The following FAM83H variants were observed in gnomAD, a reference collection of about 807,000 sequenced individuals.
FAM83H encodes protein FAM83H.
Under a neutral mutation model 30.2 loss-of-function variants are expected in FAM83H, and 24 were observed. That is an observed-to-expected ratio of 0.79 (90% confidence interval 0.57 to 1.12). The LOEUF (loss-of-function observed/expected upper bound fraction) is 1.12, where lower values mean the gene tolerates loss of function less well. Ranked by LOEUF, FAM83H falls within the 50% of genes most tolerant of loss-of-function variation. The probability of loss-of-function intolerance (pLI) is 0.00; values close to 1 mark genes in which losing one functional copy is unlikely to be tolerated. For missense variants in FAM83H, 2,038 were observed against 1,773.9 expected (o/e 1.15, Z -2.67); for synonymous variants, 1,013 against 821.7 (o/e 1.23, Z -3.98).
chr8:143,728,136 C>T lies in FAM83H; in HGVS notation c.1325G>A (p.Arg442His), dbSNP rs200076617. 9.8e-5 allele frequency: 158 copies of T among 1,609,708 alleles called. No individual in the cohort carries two copies. The highest frequency in any genetic ancestry group is 1.3e-4 in the Non-Finnish European group (152 of 1,179,236). The change falls in exon 5 of 5, where the codon CGC (arginine) becomes CAC (histidine). Residue 442 changes from arginine (R) to histidine (H), a missense_variant. Physicochemically the swap from Arg to His is conservative, Grantham distance 29. Transcript: ENST00000388913. ...QTFLSHGDDF[R>H]FQTSHFHRDQ... ...ACGGTGGAAGTGGCTGGTCTGGAAG[C>T]GGAAGTCGTCGCCGTGGCTGAGGAA... is the stretch of plus-strand genomic sequence containing the variant.
At position 143,728,509 on chromosome 8, in the gene FAM83H, TTGGC is replaced by T; in HGVS notation, c.948_951del (p.Thr318ProfsTer226). The T allele has an allele frequency of 6.4e-7, 1 of 1,557,038 alleles. No homozygotes were observed. The highest frequency in any genetic ancestry group is 8.7e-7 in the Non-Finnish European group (1 of 1,150,636). The stretch of plus-strand genomic sequence containing the variant: ...GCTCGTTTAGGGAAGGAGAAGGGGG[TTGGC>T]GCCCCGACCCCAGGGACGCCCACGA... On this transcript the variant is annotated frameshift_variant, in exon 5 of 5. Transcript: ENST00000388913. LOFTEE classifies it low-confidence loss of function (END_TRUNC).
Position 143,726,017 on chromosome 8 carries a change from A to C in FAM83H, c.3444T>G (p.Pro1148=). 1 of 1,612,706 alleles carries C rather than the reference A, an allele frequency of 6.2e-7. No homozygotes were observed. Among genetic ancestry groups the C allele is most frequent in the East Asian group, 2.2e-5 (1 of 44,836 alleles). ...VFCKKEEASS[P]GAGEGPAEEG... ...CCTCCGCGGGGCCTTCCCCTGCCCC[A>C]GGGCTGCTGGCCTCCTCTTTCTTGC... The change falls in exon 5 of 5, where the codon CCT becomes CCG. Residue 1148 remains proline, a synonymous_variant. Transcript: ENST00000388913.
In FAM83H at chr8:143,725,156, C is replaced by CGGGGGGGGGGGGGGGGGGGGGGG. The variant is rs549881150; in HGVS notation, c.*764_*765insCCCCCCCCCCCCCCCCCCCCCCC. The CGGGGGGGGGGGGGGGGGGGGGGG allele has an allele frequency of 1.9e-4, 7 of 37,558 alleles. No homozygotes were observed. The highest frequency in any genetic ancestry group is 9.6e-4 in the South Asian group (1 of 1,046). 2.3% of individuals were successfully genotyped at this position (37,558 alleles called of 1,614,324 possible). A position where few individuals can be genotyped will look rare whatever the true frequency, so the allele number is the denominator to read the frequency against. ...AAGCCCAGGCGGGGGAGGGGGGAGA[C>CGGGGGGGGGGGGGGGGGGGGGGG]GGGGGGGGGGGGGGGGGAGGGAAGG... On this transcript the variant is annotated 3_prime_UTR_variant, in exon 5 of 5. Transcript: ENST00000388913.
At position 143,725,833 on chromosome 8, in the gene FAM83H, G is replaced by T. The variant is rs4875045; in HGVS notation, c.*88C>A. 6.4e-7 allele frequency: 1 copy of T among 1,563,564 alleles called. No homozygotes were observed. The highest frequency in any genetic ancestry group is 1.9e-5 in the Admixed American group (1 of 52,434). Reference sequence around the variant, plus strand: ...TGGCCTGACAGCCGCTGCTCAAGCAGATGAGCAGGGCTCTCTGTTCCGCGG... The same window carrying T: ...TGGCCTGACAGCCGCTGCTCAAGCATATGAGCAGGGCTCTCTGTTCCGCGG... On this transcript the variant is annotated 3_prime_UTR_variant, in exon 5 of 5. Transcript: ENST00000388913.
At position 143,730,669 on chromosome 8, in the gene FAM83H, A is replaced by G. The variant is rs967129500; in HGVS notation, c.-15-72T>C. On this transcript the variant is annotated intron_variant, in intron 1 of 4. Transcript: ENST00000388913. ...CACTCCTACCCTCGAGCATGGACAC[A>G]CTGTGGAAAGGGCCGTCAGTGACTT... is the stretch of plus-strand genomic sequence containing the variant. 7.1e-6 allele frequency: 8 copies of G among 1,131,406 alleles called. No individual in the cohort carries two copies. In the Admixed American group the frequency reaches 8.6e-5, roughly 12 times the overall value. The allele number at this position is 1,131,406 out of a possible 1,614,324, so 70.1% of individuals were successfully genotyped here.
In FAM83H at chr8:143,727,449, C is replaced by G; in HGVS notation, c.2012G>C (p.Arg671Pro). 1 of 1,569,858 alleles carries G rather than the reference C, an allele frequency of 6.4e-7. No homozygotes were observed. The highest frequency in any genetic ancestry group is 8.6e-7 in the Non-Finnish European group (1 of 1,165,464). The change falls in exon 5 of 5, where the codon CGC becomes CCC. Residue 671 changes from arginine (R) to proline (P), a missense_variant. By Grantham distance (103) the Arg-to-Pro change is moderately radical. Transcript: ENST00000388913. The part of the protein sequence containing the change: ...GLAKQDSFRS[R>P]LNPLVQRSSR... ...GCTGCGCTGGACCAGGGGGTTCAGGCGCGAGCGGAATGAGTCCTGCTTGGC... is the reference window on the plus strand; with the variant it reads ...GCTGCGCTGGACCAGGGGGTTCAGGGGCGAGCGGAATGAGTCCTGCTTGGC...
intron 1 of FAM83H, 141 bp from the exon 2 acceptor site, chr8:143,730,738 C>A (rs986068949): frequency 8.0e-5 from 52 of 653,696 alleles, no homozygotes; most frequent in Non-Finnish European, 1.3e-5. Flanking sequence ...CCTTCCAGGG[C>A]ACCAGCCGAA....
At position 143,729,312 on chromosome 8, in the gene FAM83H, C is replaced by T. The variant is rs1554623805; in HGVS notation, c.459G>A (p.Val153=). Residue 153 remains valine, a synonymous_variant, in exon 3 of 5, where the codon GTG becomes GTA. Coordinates refer to ENST00000388913, the MANE Select transcript of FAM83H (RefSeq NM_198488.5). ...MIRSAQQVVA[V]VMDMFTDVDL... ...CCACATCAGTGAACATGTCCATCAC[C>T]ACGGCCACCACCTGCAGGGGCGGGT... 8.1e-6 allele frequency: 13 copies of T among 1,613,104 alleles called. No homozygotes were observed. Among genetic ancestry groups the T allele is most frequent in the African/African-American group, 1.3e-5 (1 of 75,024 alleles).
Position 143,730,579 on chromosome 8 carries a change from C to T in FAM83H, c.4G>A (p.Ala2Thr), listed in dbSNP as rs782016000. M[A>T]RRSQSSSQGD... is the part of the protein sequence containing the mutation. ...TGCGAGGAGCTCTGAGAGCGACGGG[C>T]CATGTTGGGGCCAGGGGCCTGGAGG... The change falls in exon 2 of 5, where the codon GCC becomes ACC. Residue 2 changes from alanine (A) to threonine (T), a missense_variant. Physicochemically the swap from Ala to Thr is moderately conservative, Grantham distance 58. Transcript: ENST00000388913. 21 of 1,545,590 alleles carry T rather than the reference C, an allele frequency of 1.4e-5. No individual in the cohort carries two copies. Among genetic ancestry groups the T allele is most frequent in the Non-Finnish European group, 1.7e-5 (19 of 1,148,576 alleles).
chr8:143,729,400 G>C (rs1818430631), intron 2 of FAM83H, 77 bp from the exon 3 acceptor site: 1 of 1,536,130 alleles, frequency 6.5e-7, no homozygotes, highest in Non-Finnish European at 8.9e-7. Context: ...CTCCACACCC[G>C]GGAGGTGTCT....
chr8:143,727,934 G>C lies in FAM83H; in HGVS notation c.1527C>G (p.Asp509Glu). ...CGCGGGACGCGCTGGACGGCACGTA[G>C]TCCAGCCGCTGGTGCCCGTCGGGTC... ...ELGPDGHQRL[D>E]YVPSSASREV... Residue 509 changes from aspartate to glutamate, a missense_variant, in exon 5 of 5, where the codon GAC becomes GAG. Physicochemically the swap from Asp to Glu is conservative, Grantham distance 45 (BLOSUM62 2). Transcript: ENST00000388913. 6.5e-7 allele frequency: 1 copy of C among 1,540,666 alleles called. No individual in the cohort carries two copies. The highest frequency in any genetic ancestry group is 8.7e-7 in the Non-Finnish European group (1 of 1,149,968).
rs984768088 is a variant in FAM83H, at chr8:143,728,593, C to T, written c.868G>A (p.Ala290Thr). The T allele has an allele frequency of 1.9e-6, 3 of 1,606,148 alleles. No individual in the cohort carries two copies. The highest frequency in any genetic ancestry group is 1.3e-5 in the African/African-American group (1 of 74,800). ...GCATAGGCGTCCATGCGGGCCAGGG[C>T]CGCGGCCGAGGGCACAAGCGGCTCG... is the stretch of plus-strand genomic sequence containing the variant. ...QSEPLVPSAAALARMDAYALA... is the reference protein window; with the variant it reads ...QSEPLVPSAATLARMDAYALA... The change falls in exon 5 of 5, where the codon GCC (alanine) becomes ACC (threonine). Residue 290 changes from alanine (A) to threonine (T), a missense_variant. Transcript: ENST00000388913.
At chr8:143,730,694 T>G (rs1818487547) in intron 1 of FAM83H, 97 bp from the exon 2 acceptor site, 2 of 918,800 alleles carry the variant, frequency 2.2e-6, no homozygotes, top group Admixed American at 6.0e-5. Flanking sequence ...GTCAGTGACT[T>G]GGGTAGGCTG....
Position 143,730,235 on chromosome 8 carries a change from G to A in FAM83H, c.348C>T (p.Gly116=), listed in dbSNP as rs1457165253. 2 of 1,613,322 alleles carry A rather than the reference G, an allele frequency of 1.2e-6. No individual in the cohort carries two copies. The highest frequency in any genetic ancestry group is 2.2e-5 in the East Asian group (1 of 44,898). ...AGGTGGTCACCTCGGTGCCCTGGAA[G>A]CCGAAGGTCAGAGGCCAGCCCAAAT... ...ELDLGWPLTF[G]FQGTEVTTLV... is the part of the protein sequence containing the mutation. The change falls in exon 2 of 5, where the codon GGC becomes GGT. Residue 116 remains glycine (G), a synonymous_variant. Coordinates refer to ENST00000388913, the MANE Select transcript of FAM83H (RefSeq NM_198488.5).
At chr8:143,731,600 C>CT in intron 1 of FAM83H, 1 of 985,482 alleles carries the variant, frequency 1.0e-6, no homozygotes, top group African/African-American at 1.7e-5. Context: ...CCTTTGACCT[C>CT]TTTCTTGTCA....
chr8:143,729,055 A>G lies in FAM83H; in HGVS notation c.649T>C (p.Tyr217His). 1.2e-6 allele frequency: 2 copies of G among 1,613,526 alleles called. No homozygotes were observed. Among genetic ancestry groups the G allele is most frequent in the Non-Finnish European group, 1.7e-6 (2 of 1,179,982 alleles). Residue 217 changes from tyrosine (Y) to histidine (H), a missense_variant, in exon 4 of 5, where the codon TAC (tyrosine) becomes CAC (histidine). Tyr to His is a moderately conservative substitution (Grantham distance 83). Transcript: ENST00000388913. ...RVRTVAGPTY[Y>H]CRTGKSFKGH... is the part of the protein sequence containing the mutation. ...TTGAAGGACTTCCCAGTGCGGCAGT[A>G]GTAGGTGGGGCCCGCCACAGTCCGT...
Position 143,726,589 on chromosome 8 carries a change from G to A in FAM83H, c.2872C>T (p.Pro958Ser), listed in dbSNP as rs1554621906. ...GAGCCTTTGCGCAGGACTTCCATGG[G>A]GCCGCTCGGCCCCTCCTCCGCGGGC... is the stretch of plus-strand genomic sequence containing the variant. The part of the protein sequence containing the change: ...AGPAEEGPSG[P>S]MEVLRKGSLR... Residue 958 changes from proline to serine, a missense_variant, in exon 5 of 5, where the codon CCC becomes TCC. By Grantham distance (74) the Pro-to-Ser change is moderately conservative. Transcript: ENST00000388913. 1.2e-6 allele frequency: 2 copies of A among 1,600,698 alleles called. No homozygotes were observed. The highest frequency in any genetic ancestry group is 1.3e-5 in the African/African-American group (1 of 74,800).
Position 143,727,016 on chromosome 8 carries a change from G to C in FAM83H, c.2445C>G (p.Thr815=). ...AERQPGAASL[T]AAQLLDTLGR... ...CCAGTGTGTCGAGCAGCTGCGCCGC[G>C]GTGAGCGACGCGGCTCCCGGCTGCC... Residue 815 remains threonine (T), a synonymous_variant, in exon 5 of 5, where the codon ACC becomes ACG. Coordinates refer to ENST00000388913, the MANE Select transcript of FAM83H (RefSeq NM_198488.5). 6.4e-7 allele frequency: 1 copy of C among 1,571,484 alleles called. No homozygotes were observed. The highest frequency in any genetic ancestry group is 8.6e-7 in the Non-Finnish European group (1 of 1,162,446).
chr8:143,724,026 G>A lies in FAM83H; in HGVS notation c.*1895C>T, dbSNP rs1818195712. The A allele has an allele frequency of 6.6e-6, 1 of 152,222 alleles. No individual in the cohort carries two copies. Among genetic ancestry groups the A allele is most frequent in the Non-Finnish European group, 1.5e-5 (1 of 68,052 alleles). The allele number at this position is 152,222 out of a possible 1,614,324, so 9.4% of individuals were successfully genotyped here. ...CAGGCAGGAGGCTCCGAAGGCCCAG[G>A]CAGGGCCGCCAGCCTCTGGCCTCTC... On this transcript the variant is annotated 3_prime_UTR_variant, in exon 5 of 5. Transcript: ENST00000388913.
Sources: gnomAD v4.1 joint callset for allele counts on GRCh38, gnomAD v4.1.1 for gene constraint, MANE v1.5 for transcripts, NCBI Gene and HGNC (gene_info 2026-07-23, HGNC 2026-07-21) for gene names.